CFAP58: variants seen among roughly 807,000 people sequenced by gnomAD.
The protein encoded by CFAP58 is cilia- and flagella-associated protein 58.
Under a neutral mutation model 119.5 loss-of-function variants are expected in CFAP58, and 88 were observed. The observed-to-expected ratio is 0.74, with a 90% CI of 0.62 to 0.88. The LOEUF (loss-of-function observed/expected upper bound fraction) is 0.88. Ranked by LOEUF, CFAP58 falls within the 40% of genes least tolerant of loss-of-function variation. The probability of loss-of-function intolerance (pLI) is 0.00; values close to 1 mark genes in which losing one functional copy is unlikely to be tolerated. For synonymous variants in CFAP58, 365 were observed against 366.3 expected (o/e 1.00, Z 0.04); for missense variants, 990 against 1,021.2 (o/e 0.97, Z 0.42).
chr10:104,417,902 T>TGATAAACC (rs1222706612), intron 15 of CFAP58, among the ~76,000 whole-genome samples: 4 of 152,228 alleles, frequency 2.6e-5, no homozygotes, highest in African/African-American at 9.7e-5. Flanking sequence ...AGAGCTGCAA[T>TGATAAACC]GATAAACCAG....
chr10:104,362,463 A>G (rs946039682), intron 3 of CFAP58, among the ~76,000 whole-genome samples: 1 of 152,178 alleles, frequency 6.6e-6, no homozygotes, highest in Admixed American at 6.5e-5. Flanking sequence ...TGTAGAATAT[A>G]ACTGGCTAAT....
At position 104,362,010 on chromosome 10, in the gene CFAP58, A is replaced by G. The variant is rs1237214598; in HGVS notation, c.292-13A>G. 5 of 1,612,192 alleles carry G rather than the reference A, an allele frequency of 3.1e-6. No individual in the cohort carries two copies. The highest frequency in any genetic ancestry group is 1.3e-5 in the African/African-American group (1 of 74,790). ...GTTTGGTCTTTCTCACTGATATCCT[A>G]TGGCCCATCTAGGAAATTGAAAAGG... is the stretch of plus-strand genomic sequence containing the variant. On this transcript the variant is annotated splice_polypyrimidine_tract_variant and intron_variant, in intron 2 of 17. Transcript: ENST00000369704.
chr10:104,412,773 C>A (rs1301945648), intron 15 of CFAP58, among the ~76,000 whole-genome samples: 1 of 152,154 alleles, frequency 6.6e-6, no homozygotes, highest in South Asian at 2.1e-4. Context: ...TGAGGAGGGG[C>A]GCTTCCCAGT....
chr10:104,411,128 C>T (rs898447121), intron 15 of CFAP58, among the ~76,000 whole-genome samples: 9 of 151,866 alleles, frequency 5.9e-5, no homozygotes, highest in African/African-American at 2.2e-4. Flanking sequence ...TTAGTAGAGA[C>T]GGGGTTTCAT....
intron 7 of CFAP58, among the ~76,000 whole-genome samples, chr10:104,371,919 T>G (rs1332732900): frequency 6.6e-6 from 1 of 152,128 alleles, no homozygotes; most frequent in African/African-American, 2.4e-5. Context: ...TTTTCCCAGG[T>G]GGCTGTAAGT....
At position 104,435,491 on chromosome 10, in the gene CFAP58, T is replaced by C. The variant is rs11192053; in HGVS notation, c.2257-12207T>C. 0.014 allele frequency among the ~76,000 whole-genome samples: 2,167 copies of C among 152,270 alleles called. 83 individuals are homozygous for C. The East Asian group carries it at 0.15, about 10-fold the overall frequency. On this transcript the variant is annotated intron_variant, in intron 15 of 17. Transcript: ENST00000369704. ...AGTGAGACCCTGTCTCTGACATAAATAAACAGATGAGTTAACAATTCCAAC... is the reference window on the plus strand; with the variant it reads ...AGTGAGACCCTGTCTCTGACATAAACAAACAGATGAGTTAACAATTCCAAC...
chr10:104,374,531 G>A (rs2014865516), intron 7 of CFAP58, among the ~76,000 whole-genome samples: 1 of 149,274 alleles, frequency 6.7e-6, no homozygotes, highest in Non-Finnish European at 1.5e-5. Flanking sequence ...AGGGCAAATT[G>A]GGCAATTTGA....
chr10:104,442,606 G>A (rs1220000495), intron 15 of CFAP58, among the ~76,000 whole-genome samples: 1 of 149,590 alleles, frequency 6.7e-6, no homozygotes, highest in Non-Finnish European at 1.5e-5. Context: ...AAAAAAAAAA[G>A]TTATGCTTAC....
the CFAP58 span, among the ~76,000 whole-genome samples, chr10:104,347,195 C>T: frequency 1.8e-3 from 273 of 152,176 alleles, 2 homozygotes; most frequent in Non-Finnish European, 3.2e-3. Context: ...AATGCTTACC[C>T]GCTGTGGCTG....
intron 2 of CFAP58, among the ~76,000 whole-genome samples, chr10:104,361,346 A>T (rs1456777377): frequency 6.6e-6 from 1 of 152,192 alleles, no homozygotes; most frequent in Non-Finnish European, 1.5e-5. Context: ...GAAAAATGGG[A>T]ATTACCAAGG....
chr10:104,419,761 G>T (rs2012625314), intron 15 of CFAP58, among the ~76,000 whole-genome samples: 1 of 152,124 alleles, frequency 6.6e-6, no homozygotes, highest in Admixed American at 6.5e-5. Context: ...TTATTGGGGA[G>T]ATTATATTAA....
At chr10:104,375,449 T>G (rs1212192538) in intron 7 of CFAP58, among the ~76,000 whole-genome samples, 1 of 152,220 alleles carries the variant, frequency 6.6e-6, no homozygotes, top group African/African-American at 2.4e-5. Flanking sequence ...GTGCAGTAGC[T>G]CATGCCTGCC....
At chr10:104,341,566 T>C in the CFAP58 span, among the ~76,000 whole-genome samples, 1 of 151,794 alleles carries the variant, frequency 6.6e-6, no homozygotes, top group Non-Finnish European at 1.5e-5. Flanking sequence ...ATTGAAATTC[T>C]TTTTTATTTA....
chr10:104,379,286 C>A (rs189892670), intron 8 of CFAP58, among the ~76,000 whole-genome samples: 53 of 152,314 alleles, frequency 3.5e-4, no homozygotes, highest in African/African-American at 1.2e-3. Context: ...TAGTGTCTGG[C>A]ATGTTTCATT....
intron 15 of CFAP58, among the ~76,000 whole-genome samples, chr10:104,424,295 C>A (rs576729798): frequency 4.7e-4 from 71 of 152,294 alleles, no homozygotes; most frequent in African/African-American, 1.5e-3. Flanking sequence ...TTGATATCAT[C>A]AGACTCAGTT....
chr10:104,443,501 G>A (rs1212537839), intron 15 of CFAP58, among the ~76,000 whole-genome samples: 1 of 152,196 alleles, frequency 6.6e-6, no homozygotes, highest in African/African-American at 2.4e-5. Flanking sequence ...ATGACTCCAG[G>A]GTGAGCAGAA....
intron 13 of CFAP58, among the ~76,000 whole-genome samples, chr10:104,401,793 G>C (rs1255012988): frequency 6.6e-6 from 1 of 151,580 alleles, no homozygotes; most frequent in Middle Eastern, 3.2e-3. Flanking sequence ...TTGTATTTCA[G>C]ATGACGAAAG....
At chr10:104,393,132 A>C (rs1415037176) in intron 10 of CFAP58, among the ~76,000 whole-genome samples, 197 bp from the exon 11 acceptor site, 1 of 152,124 alleles carries the variant, frequency 6.6e-6, no homozygotes, top group African/African-American at 2.4e-5. Flanking sequence ...ATCTCATGAG[A>C]ATATTTTGCG....
intron 4 of CFAP58, 30 bp downstream of exon 4, chr10:104,364,919 A>G: frequency 1.9e-6 from 3 of 1,597,726 alleles, no homozygotes; most frequent in South Asian, 2.2e-5. Context: ...AAGAAGGAAT[A>G]TTTCCTTCCA....
Sources: allele counts gnomAD v4.1 joint callset (sites outside exome capture counted in the v4.1 genomes callset), GRCh38; gene constraint gnomAD v4.1.1; transcripts MANE v1.5; gene names NCBI Gene and HGNC (gene_info 2026-07-23, HGNC 2026-07-21).